The following BRINP3 variants were observed in gnomAD, a reference collection of about 807,000 sequenced individuals.
BRINP3 encodes BMP/retinoic acid-inducible neural-specific protein 3.
A neutral mutation model predicts 71.0 loss-of-function variants in BRINP3; 19 were observed. The ratio of observed to expected loss-of-function variants is 0.27; its 90% CI spans 0.19 to 0.39. BRINP3 has a LOEUF of 0.39. Among genes scored for constraint, BRINP3 ranks in the 10% least tolerant of loss-of-function variants. The pLI is 1.00. For missense variants in BRINP3, 959 were observed against 940.8 expected, an observed-to-expected ratio of 1.02 and a Z score of -0.25; for synonymous variants, 380 against 337.7, an observed-to-expected ratio of 1.13 and a Z score of -1.37.
At chr1:190,173,724 C>T (rs1040882965) in intron 6 of BRINP3, among the ~76,000 whole-genome samples, 1 of 152,072 alleles carries the variant, frequency 6.6e-6, no homozygotes, top group Non-Finnish European at 1.5e-5. Flanking sequence ...TAATGTAAAC[C>T]ATTTCATATA....
chr1:190,354,063 T>C (rs1191037816), intron 2 of BRINP3, among the ~76,000 whole-genome samples: 1 of 151,980 alleles, frequency 6.6e-6, no homozygotes. Context: ...ACTGATCCAG[T>C]CTCATTTCTC....
chr1:190,149,804 A>G lies in BRINP3; in HGVS notation c.1184+10864T>C, dbSNP rs973783255. ...TGCTACCTGAGATTTGATCTTTTGT[A>G]TTTCCTTTGAGGAGCCTACATGAAT... is the stretch of plus-strand genomic sequence containing the variant. On this transcript the variant is annotated intron_variant, in intron 7 of 7. Transcript: ENST00000367462. 3.3e-5 allele frequency among the ~76,000 whole-genome samples: 5 copies of G among 152,068 alleles called. No individual in the cohort carries two copies. The East Asian group carries it at 5.8e-4, about 18-fold the overall frequency.
At chr1:190,321,730 G>A (rs1457328285) in intron 2 of BRINP3, among the ~76,000 whole-genome samples, 1 of 151,974 alleles carries the variant, frequency 6.6e-6, no homozygotes, top group African/African-American at 2.4e-5. Context: ...TCGCCTCAAT[G>A]TATTTGTTTT....
At chr1:190,208,129 T>C (rs779653346) in intron 6 of BRINP3, among the ~76,000 whole-genome samples, 1 of 151,904 alleles carries the variant, frequency 6.6e-6, no homozygotes, top group Non-Finnish European at 1.5e-5. Context: ...TTTTTTTATT[T>C]TTTTTATTTT....
At chr1:190,214,079 A>C (rs896232367) in intron 6 of BRINP3, among the ~76,000 whole-genome samples, 1 of 152,044 alleles carries the variant, frequency 6.6e-6, no homozygotes, top group African/African-American at 2.4e-5. Context: ...GAAAAACAGA[A>C]GACAAGAGAG....
At chr1:190,476,515 G>C (rs1022024230) in intron 1 of BRINP3, among the ~76,000 whole-genome samples, 2 of 152,192 alleles carry the variant, frequency 1.3e-5, no homozygotes, top group African/African-American at 4.8e-5. Flanking sequence ...CTATACGGAA[G>C]AGGAGGTGAT....
At chr1:190,320,942 A>G (rs2103050326) in intron 2 of BRINP3, among the ~76,000 whole-genome samples, 1 of 151,946 alleles carries the variant, frequency 6.6e-6, no homozygotes, top group African/African-American at 2.4e-5. Context: ...GTTTGTATAT[A>G]TGTATATATG....
chr1:190,343,932 T>A (rs530413467), intron 2 of BRINP3, among the ~76,000 whole-genome samples: 1 of 151,710 alleles, frequency 6.6e-6, no homozygotes, highest in Non-Finnish European at 1.5e-5. Context: ...TTCTGAAGCA[T>A]TTTACTGTCA....
intron 6 of BRINP3, among the ~76,000 whole-genome samples, chr1:190,202,802 C>CGGA (rs1655122882): frequency 1.3e-5 from 2 of 152,104 alleles, no homozygotes; most frequent in Non-Finnish European, 2.9e-5. Flanking sequence ...GATTGTGAGG[C>CGGA]CTCCCCAGCC....
At chr1:190,108,177 C>A (rs1652350252) in intron 7 of BRINP3, among the ~76,000 whole-genome samples, 1 of 151,990 alleles carries the variant, frequency 6.6e-6, no homozygotes, top group Admixed American at 6.6e-5. Flanking sequence ...TCACCCAAGT[C>A]ACACTCGCAA....
intron 2 of BRINP3, among the ~76,000 whole-genome samples, chr1:190,309,125 T>C (rs1025702178): frequency 1.3e-5 from 2 of 151,886 alleles, no homozygotes; most frequent in African/African-American, 4.8e-5. Flanking sequence ...GAAAGTATGT[T>C]TGAACTCATA....
chr1:190,180,747 A>G (rs2102533814), intron 6 of BRINP3, among the ~76,000 whole-genome samples: 1 of 152,176 alleles, frequency 6.6e-6, no homozygotes, highest in South Asian at 2.1e-4. Flanking sequence ...TGTTAGCCAT[A>G]GTATTTAAAT....
intron 2 of BRINP3, among the ~76,000 whole-genome samples, chr1:190,341,096 T>C (rs1379791206): frequency 6.6e-6 from 1 of 151,810 alleles, no homozygotes; most frequent in African/African-American, 2.4e-5. Flanking sequence ...TAGTTTAAGA[T>C]GAAATCCGTG....
intron 3 of BRINP3, among the ~76,000 whole-genome samples, chr1:190,266,780 A>G (rs1342418279): frequency 1.3e-5 from 2 of 152,158 alleles, no homozygotes; most frequent in African/African-American, 2.4e-5. Flanking sequence ...TAGAAAGAAC[A>G]CCAGTGGTAT....
chr1:190,354,865 T>C (rs749156426), intron 2 of BRINP3, among the ~76,000 whole-genome samples: 14 of 151,738 alleles, frequency 9.2e-5, no homozygotes, highest in Non-Finnish European at 1.5e-4. Flanking sequence ...TGATCCTGTA[T>C]ACCTCTATTT....
intron 7 of BRINP3, among the ~76,000 whole-genome samples, chr1:190,135,745 ATAAT>A (rs1654917678): frequency 6.6e-6 from 1 of 152,088 alleles, no homozygotes; most frequent in East Asian, 1.9e-4. Flanking sequence ...AAATTAATAA[ATAAT>A]TATTTCTGCA....
At position 190,433,000 on chromosome 1, in the gene BRINP3, A is replaced by G. The variant is rs1174510834; in HGVS notation, c.236+21655T>C. Among the ~76,000 whole-genome samples the G allele has an allele frequency of 2.0e-5, 3 of 152,332 alleles. No individual in the cohort carries two copies. The East Asian group carries it at 5.8e-4, about 29-fold the overall frequency. ...TCAATTATAGTGTTAAATTTATTGA[A>G]AAGAAATAGAGACCAAAAAAATCTA... On this transcript the variant is annotated intron_variant, in intron 2 of 7. Transcript: ENST00000367462.
intron 2 of BRINP3, among the ~76,000 whole-genome samples, chr1:190,304,776 G>C (rs1264753899): frequency 1.3e-5 from 2 of 151,680 alleles, no homozygotes; most frequent in Non-Finnish European, 3.0e-5. Flanking sequence ...TTACATGAAA[G>C]TAAAAAGCTT....
At chr1:190,140,166 T>C (rs1553247769) in intron 7 of BRINP3, among the ~76,000 whole-genome samples, 5 of 152,214 alleles carry the variant, frequency 3.3e-5, no homozygotes, top group Non-Finnish European at 7.4e-5. Flanking sequence ...GAGTATTTTT[T>C]ATTTTGTGAA....
Sources: allele counts gnomAD v4.1 joint callset (sites outside exome capture counted in the v4.1 genomes callset), GRCh38; gene constraint gnomAD v4.1.1; transcripts MANE v1.5; gene names NCBI Gene and HGNC (gene_info 2026-07-23, HGNC 2026-07-21).